CHD6: variants seen among roughly 807,000 people sequenced by gnomAD.
CHD6 encodes ATP-dependent chromatin remodeler CHD6.
Under a neutral mutation model 276.9 loss-of-function variants are expected in CHD6, and 50 were observed. The ratio of observed to expected loss-of-function variants is 0.18; its 90% CI spans 0.14 to 0.23. CHD6 has a LOEUF of 0.23. Ranked by LOEUF, CHD6 falls within the 10% of genes least tolerant of loss-of-function variation. The probability of loss-of-function intolerance (pLI) is 1.00; values close to 1 mark genes in which losing one functional copy is unlikely to be tolerated. For synonymous variants in CHD6, 1,173 were observed against 1,229.3 expected, an observed-to-expected ratio of 0.95 and a Z score of 0.96; for missense variants, 2,564 against 3,365.8, an observed-to-expected ratio of 0.76 and a Z score of 5.89.
intron 1 of CHD6, among the ~76,000 whole-genome samples, chr20:41,566,453 C>A (rs1485751359): frequency 2.6e-5 from 4 of 152,122 alleles, no homozygotes; most frequent in African/African-American, 9.7e-5. Context: ...TTATGTGCTG[C>A]CTTGGTATCT....
At chr20:41,444,821 A>T (rs1471792305) in intron 25 of CHD6, among the ~76,000 whole-genome samples, 1 of 152,190 alleles carries the variant, frequency 6.6e-6, no homozygotes, top group Non-Finnish European at 1.5e-5. Context: ...CCTCCATTGT[A>T]TAAGTGAGAA....
rs999926368 is a variant in CHD6, at chr20:41,593,454, A to C, written c.-24+24886T>G. ...AAGAACTCAGAGATGGCACTTTAAA[A>C]GCAAGCCCAGCACCCACAGGGGTCC... On this transcript the variant is annotated intron_variant, in intron 1 of 36. Coordinates refer to ENST00000373233, the MANE Select transcript of CHD6 (RefSeq NM_032221.5). 3.9e-5 allele frequency among the ~76,000 whole-genome samples: 6 copies of C among 152,318 alleles called. No individual in the cohort carries two copies. In the East Asian group the frequency reaches 7.7e-4, roughly 20 times the overall value.
intron 5 of CHD6, among the ~76,000 whole-genome samples, chr20:41,510,705 T>C (rs866094417): frequency 3.9e-5 from 6 of 152,170 alleles, no homozygotes; most frequent in Admixed American, 1.3e-4. Flanking sequence ...GGAGAAGTCA[T>C]AACAACATCT....
At chr20:41,550,073 T>C (rs2045121355) in intron 2 of CHD6, among the ~76,000 whole-genome samples, 2 of 152,208 alleles carry the variant, frequency 1.3e-5, no homozygotes, top group Admixed American at 6.5e-5. Flanking sequence ...AGTGCTGGGA[T>C]TACAGGTGTG....
In CHD6 at chr20:41,475,772, T is replaced by C. The variant is rs967172062; in HGVS notation, c.2469-2255A>G. On this transcript the variant is annotated intron_variant, in intron 16 of 36. Transcript: ENST00000373233. ...CTAGTCATCAGAGTTAGATACCACATAGATCAGAGTGAGGCTGGGAATTAG... is the reference window on the plus strand; with the variant it reads ...CTAGTCATCAGAGTTAGATACCACACAGATCAGAGTGAGGCTGGGAATTAG... 2.0e-4 allele frequency among the ~76,000 whole-genome samples: 30 copies of C among 152,106 alleles called. 1 individual carries two copies. The highest frequency in any genetic ancestry group is 7.2e-4 in the African/African-American group (30 of 41,508).
chr20:41,544,200 A>G (rs2044997924), intron 2 of CHD6, among the ~76,000 whole-genome samples: 1 of 152,120 alleles, frequency 6.6e-6, no homozygotes, highest in African/African-American at 2.4e-5. Context: ...AGATTTTGCC[A>G]CTACACTCCA....
chr20:41,458,665 G>C (rs970153361), intron 17 of CHD6, among the ~76,000 whole-genome samples: 5 of 152,148 alleles, frequency 3.3e-5, no homozygotes, highest in Non-Finnish European at 1.5e-5. Context: ...ATCAAAGACT[G>C]GTAGTCTTTC....
intron 23 of CHD6, among the ~76,000 whole-genome samples, chr20:41,449,747 T>C (rs1016460045): frequency 5.3e-5 from 8 of 152,234 alleles, no homozygotes; most frequent in Admixed American, 2.0e-4. Flanking sequence ...CAAACATGTA[T>C]AGCTTAATGA....
intron 27 of CHD6, among the ~76,000 whole-genome samples, chr20:41,432,275 T>C (rs190270489): frequency 6.6e-6 from 1 of 151,720 alleles, no homozygotes; most frequent in Non-Finnish European, 1.5e-5. Context: ...ATAACTGCTA[T>C]ACCCCAGCCC....
At chr20:41,584,839 G>A (rs1444322420) in intron 1 of CHD6, among the ~76,000 whole-genome samples, 4 of 152,096 alleles carry the variant, frequency 2.6e-5, no homozygotes, top group Admixed American at 2.6e-4. Flanking sequence ...ATTAAAGCTT[G>A]TATTAGGGAA....
At chr20:41,448,051 G>T in intron 23 of CHD6, 80 bp from the exon 24 acceptor site, 1 of 733,142 alleles carries the variant, frequency 1.4e-6, no homozygotes, top group Non-Finnish European at 2.2e-6. Flanking sequence ...TTAACACTGG[G>T]AAATTCTGGG....
At chr20:41,450,796 C>A in intron 23 of CHD6, 150 bp downstream of exon 23, 2 of 729,716 alleles carry the variant, frequency 2.7e-6, no homozygotes, top group Admixed American at 2.4e-5. Flanking sequence ...GAATTCTGAG[C>A]CAGCTTAGAC....
chr20:41,618,174 G>A (rs1488622214), intron 1 of CHD6, among the ~76,000 whole-genome samples, 166 bp downstream of exon 1: 1 of 150,774 alleles, frequency 6.6e-6, no homozygotes, highest in Admixed American at 6.6e-5. Context: ...CGCCGGCCCC[G>A]CTCGGACCCC....
At chr20:41,508,364 A>G (rs2145942958) in intron 5 of CHD6, among the ~76,000 whole-genome samples, 1 of 152,220 alleles carries the variant, frequency 6.6e-6, no homozygotes, top group African/African-American at 2.4e-5. Context: ...TTGATCTAAC[A>G]CGGGAGTTAA....
chr20:41,608,090 T>C (rs150681587), intron 1 of CHD6, among the ~76,000 whole-genome samples: 1 of 152,334 alleles, frequency 6.6e-6, no homozygotes, highest in East Asian at 1.9e-4. Context: ...CAGCTATTAT[T>C]ATCATGATTA....
chr20:41,573,427 A>G (rs2045439879), intron 1 of CHD6, among the ~76,000 whole-genome samples: 1 of 152,216 alleles, frequency 6.6e-6, no homozygotes, highest in African/African-American at 2.4e-5. Context: ...CTCAAATTCC[A>G]TGATTTTTAG....
intron 1 of CHD6, among the ~76,000 whole-genome samples, chr20:41,560,491 A>G (rs1311201395): frequency 6.6e-6 from 1 of 152,196 alleles, no homozygotes; most frequent in Non-Finnish European, 1.5e-5. Context: ...TGTGATAGGC[A>G]CTAAACTAAA....
chr20:41,460,373 G>A (rs1051936988), intron 17 of CHD6, among the ~76,000 whole-genome samples: 8 of 152,252 alleles, frequency 5.3e-5, no homozygotes, highest in African/African-American at 1.9e-4. Context: ...CCAAGAGCAT[G>A]TGGAAAGTCT....
chr20:41,591,663 A>G (rs563181514), intron 1 of CHD6, among the ~76,000 whole-genome samples: 46 of 152,194 alleles, frequency 3.0e-4, no homozygotes, highest in Non-Finnish European at 6.3e-4. Context: ...ATTGCACTCC[A>G]GCCTGGGCAA....
Sources: gnomAD v4.1 joint callset for allele counts (sites outside exome capture counted in the v4.1 genomes callset) on GRCh38, gnomAD v4.1.1 for gene constraint, MANE v1.5 for transcripts, NCBI Gene and HGNC (gene_info 2026-07-23, HGNC 2026-07-21) for gene names.